GARS1: variants seen among roughly 807,000 people sequenced by gnomAD.
GARS1 encodes the protein glycyl-tRNA synthetase 1.
GARS1 carries 46 observed loss-of-function variants against 86.4 expected under a neutral mutation model. That is an observed-to-expected ratio of 0.53 (90% confidence interval 0.42 to 0.68). The LOEUF (loss-of-function observed/expected upper bound fraction) is 0.68. Among genes scored for constraint, GARS1 ranks in the 30% least tolerant of loss-of-function variants. The pLI, the probability that GARS1 is intolerant of heterozygous loss-of-function variation, is 0.00. For synonymous variants in GARS1, 342 were observed against 329.8 expected (o/e 1.04, Z -0.40); for missense variants, 797 against 915.6 (o/e 0.87, Z 1.67).
intron 6 of GARS1, among the ~76,000 whole-genome samples, chr7:30,604,910 C>T (rs567012148): frequency 1.2e-4 from 19 of 152,258 alleles, no homozygotes; most frequent in South Asian, 8.3e-4. Context: ...TTTCCAAGTA[C>T]GTTGTCAGAG....
rs35302357 is a variant in GARS1, at chr7:30,606,305, C to CTTTTTTTTTTTTTTTTTTTTTT, written c.735+2751_735+2752insTTTTTTTTTTTTTTTTTTTTTT. 2.4e-5 allele frequency among the ~76,000 whole-genome samples: 3 copies of CTTTTTTTTTTTTTTTTTTTTTT among 127,544 alleles called. 1 individual carries two copies. The highest frequency in any genetic ancestry group is 1.6e-5 in the Non-Finnish European group (1 of 61,626). The allele number at this position is 127,544 out of a possible 152,430, so 83.7% of individuals were successfully genotyped here. A position where few individuals can be genotyped will look rare whatever the true frequency, so the allele number is the denominator to read the frequency against. ...AATGGTGATTTTTGTCATTGTTATT[C>CTTTTTTTTTTTTTTTTTTTTTT]TTTTTTTTTTTTTTTTTTAGCTAGA... On this transcript the variant is annotated intron_variant, in intron 6 of 16. Transcript: ENST00000389266.
At chr7:30,600,397 C>T (rs1791348641) in intron 3 of GARS1, among the ~76,000 whole-genome samples, 2 of 152,204 alleles carry the variant, frequency 1.3e-5, no homozygotes, top group South Asian at 2.1e-4. Flanking sequence ...TACTATGCCC[C>T]TTCACACAGG....
intron 12 of GARS1, chr7:30,622,712 A>C: frequency 4.2e-6 from 2 of 470,760 alleles, no homozygotes; most frequent in Non-Finnish European, 7.7e-6. Flanking sequence ...CTGAGGAAGG[A>C]AGGGTTAGAA....
chr7:30,596,864 T>A lies in GARS1; in HGVS notation c.222+1721T>A, dbSNP rs1791260325. 2.6e-5 allele frequency among the ~76,000 whole-genome samples: 4 copies of A among 152,238 alleles called. No homozygotes were observed. In the South Asian group the frequency reaches 8.3e-4, roughly 32 times the overall value. ...TTGTATATGGGGAAATGAGACACAC[T>A]GTCACCCCTATCCATTTTGGATAAC... On this transcript the variant is annotated intron_variant, in intron 1 of 16. Coordinates refer to ENST00000389266, the MANE Select transcript of GARS1 (RefSeq NM_002047.4).
intron 13 of GARS1, 86 bp from the exon 14 acceptor site, chr7:30,628,474 C>T (rs775914571): frequency 8.8e-5 from 90 of 1,018,570 alleles, no homozygotes; most frequent in South Asian, 7.5e-4. Context: ...TGTGAGCCAC[C>T]GCAGCTGGTG....
At chr7:30,597,837 G>A (rs1329208829) in intron 1 of GARS1, among the ~76,000 whole-genome samples, 1 of 152,116 alleles carries the variant, frequency 6.6e-6, no homozygotes, top group African/African-American at 2.4e-5. Flanking sequence ...GGGTGCCCAA[G>A]GGCTATATCA....
chr7:30,616,820 G>A (rs1185407996), intron 9 of GARS1, among the ~76,000 whole-genome samples: 1 of 152,146 alleles, frequency 6.6e-6, no homozygotes, highest in Non-Finnish European at 1.5e-5. Flanking sequence ...ATTGTTTTTA[G>A]TACTGTAGAT....
chr7:30,625,906 T>A (rs1783119198), intron 12 of GARS1, among the ~76,000 whole-genome samples: 1 of 152,258 alleles, frequency 6.6e-6, no homozygotes, highest in Non-Finnish European at 1.5e-5. Context: ...AAGTTGTTAT[T>A]ATTCTAAAAC....
rs993038577 is a variant in GARS1, at chr7:30,602,968, TATAAG to T, written c.570-65_570-61del. On this transcript the variant is annotated intron_variant, in intron 4 of 16. Transcript: ENST00000389266. The stretch of plus-strand genomic sequence containing the variant: ...TATAAATATTGATGGGGAATTATCT[TATAAG>T]GTAATATCTATGTGTAATTTGTATG... 1.1e-4 allele frequency: 113 copies of T among 1,056,520 alleles called. No homozygotes were observed. In the African/African-American group the frequency reaches 1.6e-3, roughly 15 times the overall value. The allele number at this position is 1,056,520 out of a possible 1,614,324, so 65.4% of individuals were successfully genotyped here.
intron 3 of GARS1, 122 bp from the exon 4 acceptor site, chr7:30,600,937 G>A: frequency 2.3e-6 from 2 of 882,316 alleles, no homozygotes; most frequent in East Asian, 2.4e-5. Context: ...AGTATTGAGG[G>A]ATTTGCATTG....
At chr7:30,603,379 T>C (rs773165177) in intron 5 of GARS1, 117 bp from the exon 6 acceptor site, 187 of 849,134 alleles carry the variant, frequency 2.2e-4, no homozygotes, top group Non-Finnish European at 3.4e-4. Context: ...AACTGTGGGA[T>C]TCATGTAAAT....
intron 11 of GARS1, chr7:30,622,022 G>C (rs912254629): frequency 2.1e-5 from 9 of 427,428 alleles, no homozygotes; most frequent in Non-Finnish European, 3.5e-5. Context: ...GAGCATTTTA[G>C]AAATACTTAT....
chr7:30,611,168 A>C (rs981380355), intron 7 of GARS1, among the ~76,000 whole-genome samples: 6 of 152,232 alleles, frequency 3.9e-5, no homozygotes, highest in African/African-American at 1.4e-4. Flanking sequence ...TTGCTTGACT[A>C]TATCTTTAAA....
chr7:30,622,249 G>A, intron 11 of GARS1, 68 bp from the exon 12 acceptor site: 2 of 1,581,562 alleles, frequency 1.3e-6, no homozygotes, highest in Admixed American at 1.7e-5. Context: ...ATGATTGATT[G>A]TTCTCAGGCT....
At position 30,594,963 on chromosome 7, in the gene GARS1, C is replaced by T. The variant is rs758933506; in HGVS notation, c.42C>T (p.Ala14=). ...CAGTGCTGCTTAGAGGTGCTCGCGCCGCTCTGCTGCTGCTGCTGCCGCCCC... is the reference window on the plus strand; with the variant it reads ...CAGTGCTGCTTAGAGGTGCTCGCGCTGCTCTGCTGCTGCTGCTGCCGCCCC... ...PRPVLLRGAR[A]ALLLLLPPRL... The change falls in exon 1 of 17, where the codon GCC becomes GCT. Residue 14 remains alanine (A), a synonymous_variant. Coordinates refer to ENST00000389266, the MANE Select transcript of GARS1 (RefSeq NM_002047.4). 1 of 1,595,972 alleles carries T rather than the reference C, an allele frequency of 6.3e-7. No homozygotes were observed. Among genetic ancestry groups the T allele is most frequent in the South Asian group, 1.1e-5 (1 of 90,140 alleles).
intron 6 of GARS1, among the ~76,000 whole-genome samples, chr7:30,605,219 T>G (rs999409465): frequency 2.6e-5 from 4 of 152,228 alleles, no homozygotes; most frequent in Non-Finnish European, 5.9e-5. Context: ...GCATCATTGT[T>G]TCTTTAAAAG....
At chr7:30,613,410 T>G (rs1448027589) in intron 8 of GARS1, among the ~76,000 whole-genome samples, 3 of 152,214 alleles carry the variant, frequency 2.0e-5, no homozygotes, top group Non-Finnish European at 2.9e-5. Context: ...TCTGAGTGTT[T>G]TTGTTTTTTT....
intron 3 of GARS1, 27 bp from the exon 4 acceptor site, chr7:30,601,032 T>C: frequency 6.2e-7 from 1 of 1,611,582 alleles, no homozygotes; most frequent in South Asian, 1.1e-5. Context: ...CAAGGTAAAG[T>C]ATGTGTTTTC....
At chr7:30,622,615 A>G (rs1783037565) in intron 12 of GARS1, 153 bp downstream of exon 12, 1 of 885,288 alleles carries the variant, frequency 1.1e-6, no homozygotes, top group Non-Finnish European at 1.8e-6. Flanking sequence ...AGATTTTGGC[A>G]TTATAGCCTG....
Sources: gnomAD v4.1 joint callset for allele counts (sites outside exome capture counted in the v4.1 genomes callset) on GRCh38, gnomAD v4.1.1 for gene constraint, MANE v1.5 for transcripts, NCBI Gene and HGNC (gene_info 2026-07-23, HGNC 2026-07-21) for gene names.